The following PALMD variants were observed in gnomAD, a reference collection of about 807,000 sequenced individuals.
PALMD encodes the protein paralemmin-like protein.
PALMD carries 42 observed loss-of-function variants against 56.2 expected under a neutral mutation model. The ratio of observed to expected loss-of-function variants is 0.75; its 90% CI spans 0.58 to 0.97. The LOEUF (loss-of-function observed/expected upper bound fraction) is 0.97, where lower values mean the gene tolerates loss of function less well. Ranked by LOEUF, PALMD falls within the 50% of genes least tolerant of loss-of-function variation. The pLI, the probability that PALMD is intolerant of heterozygous loss-of-function variation, is 0.00. For synonymous variants in PALMD, 242 were observed against 222.9 expected (o/e 1.09, Z -0.76); for missense variants, 660 against 643.8 (o/e 1.03, Z -0.27).
intron 3 of PALMD, among the ~76,000 whole-genome samples, chr1:99,678,310 G>C (rs1200557260): frequency 6.6e-6 from 1 of 151,882 alleles, no homozygotes; most frequent in African/African-American, 2.4e-5. Flanking sequence ...TCACCATGTT[G>C]GCCGGGCTGG....
At chr1:99,681,060 T>C (rs972599758) in intron 3 of PALMD, among the ~76,000 whole-genome samples, 4 of 151,666 alleles carry the variant, frequency 2.6e-5, no homozygotes, top group Non-Finnish European at 5.9e-5. Context: ...ACCCTCTTTT[T>C]CCCCAGCAAA....
intron 7 of PALMD, among the ~76,000 whole-genome samples, chr1:99,692,288 A>G (rs1314149025): frequency 6.6e-6 from 1 of 152,140 alleles, no homozygotes; most frequent in Non-Finnish European, 1.5e-5. Flanking sequence ...TTCATATGCT[A>G]CTGGTGCTGA....
intron 2 of PALMD, among the ~76,000 whole-genome samples, chr1:99,665,350 C>T (rs1358090692): frequency 6.6e-6 from 1 of 152,092 alleles, no homozygotes; most frequent in Non-Finnish European, 1.5e-5. Context: ...TCCACTAAAG[C>T]ACAAGTCTAA....
intron 2 of PALMD, among the ~76,000 whole-genome samples, chr1:99,666,243 G>T (rs1026276350): frequency 2.0e-5 from 3 of 147,130 alleles, no homozygotes; most frequent in South Asian, 2.2e-4. Context: ...TGTTATATTG[G>T]TTTTTTTTTT....
intron 2 of PALMD, among the ~76,000 whole-genome samples, chr1:99,665,442 C>T (rs1273184809): frequency 6.6e-6 from 1 of 152,062 alleles, no homozygotes; most frequent in East Asian, 1.9e-4. Flanking sequence ...GATTGCACAT[C>T]CAAATTGCAT....
At chr1:99,656,318 A>G (rs1652724144) in intron 1 of PALMD, among the ~76,000 whole-genome samples, 1 of 152,050 alleles carries the variant, frequency 6.6e-6, no homozygotes, top group South Asian at 2.1e-4. Flanking sequence ...AATCTGGTAA[A>G]CTTCTAATTA....
chr1:99,679,918 A>T (rs1653300679), intron 3 of PALMD, among the ~76,000 whole-genome samples: 1 of 152,186 alleles, frequency 6.6e-6, no homozygotes, highest in Non-Finnish European at 1.5e-5. Context: ...GTAAGGACGA[A>T]ATAGGCCAGT....
chr1:99,682,496 G>A (rs1244650709), intron 3 of PALMD, among the ~76,000 whole-genome samples: 3 of 152,098 alleles, frequency 2.0e-5, no homozygotes, highest in Non-Finnish European at 4.4e-5. Flanking sequence ...TAACAGATAC[G>A]CTGATGAGGT....
intron 3 of PALMD, among the ~76,000 whole-genome samples, chr1:99,681,075 CTA>C (rs201970053): frequency 0.012 from 1,836 of 148,788 alleles, 24 homozygotes; most frequent in Non-Finnish European, 0.019. Context: ...AGCAAATAGA[CTA>C]TATATATACA....
intron 2 of PALMD, 106 bp from the exon 3 acceptor site, chr1:99,667,536 C>T: frequency 1.1e-6 from 1 of 891,882 alleles, no homozygotes; most frequent in Non-Finnish European, 1.8e-6. Context: ...AAAATAATTC[C>T]TCTTTAACGT....
At position 99,667,641 on chromosome 1, in the gene PALMD, GA is replaced by G; in HGVS notation, c.131del (p.Lys44ArgfsTer3). 6.2e-7 allele frequency: 1 copy of G among 1,612,664 alleles called. No individual in the cohort carries two copies. Among genetic ancestry groups the G allele is most frequent in the Non-Finnish European group, 8.5e-7 (1 of 1,178,904 alleles). ...CATATCTTTATGTTTCCTGACATCA[GA>G]AAAAGGCCTTGAGGGAGAAATGGCT... ...EDKLKHQHLK[K>X]KALREKWLLD... On this transcript the variant is annotated frameshift_variant and splice_region_variant, in exon 3 of 8. Transcript: ENST00000263174. LOFTEE classifies it high-confidence loss of function.
chr1:99,654,091 C>T (rs989411604), intron 1 of PALMD, among the ~76,000 whole-genome samples: 7 of 151,982 alleles, frequency 4.6e-5, no homozygotes, highest in Admixed American at 6.5e-5. Flanking sequence ...AAAAGCATCA[C>T]CCCTGGAATC....
rs1653741244 is a variant in PALMD at position 99,694,377 on chromosome 1, C to A, written c.*315C>A. On this transcript the variant is annotated 3_prime_UTR_variant, in exon 8 of 8. Transcript: ENST00000263174. ...TAAGAATAAAGTTATTTAAAATATT[C>A]TGAGTATAGTATATTAACTGGCATT... The A allele has an allele frequency of 1.4e-5, 3 of 217,818 alleles. No homozygotes were observed. Among genetic ancestry groups the A allele is most frequent in the East Asian group, 1.1e-4 (1 of 8,798 alleles). 13.5% of individuals were successfully genotyped at this position (217,818 alleles called of 1,614,324 possible).
At chr1:99,669,729 G>A (rs1252106942) in intron 3 of PALMD, 1 of 152,212 alleles carries the variant, frequency 6.6e-6, no homozygotes, top group Non-Finnish European at 1.5e-5. Context: ...TTTAGGCCTT[G>A]CCTGAATGCT....
chr1:99,666,165 T>C (rs1652954736), intron 2 of PALMD, among the ~76,000 whole-genome samples: 1 of 152,116 alleles, frequency 6.6e-6, no homozygotes, highest in East Asian at 1.9e-4. Flanking sequence ...ATTAGAGCAG[T>C]CCAGAATTCA....
At chr1:99,675,349 G>A (rs1653176446) in intron 3 of PALMD, among the ~76,000 whole-genome samples, 1 of 152,138 alleles carries the variant, frequency 6.6e-6, no homozygotes, top group Non-Finnish European at 1.5e-5. Context: ...ATAATTACAA[G>A]TAGTTTATTC....
chr1:99,646,417 C>T, intron 1 of PALMD, 55 bp downstream of exon 1: 1 of 1,388,258 alleles, frequency 7.2e-7, no homozygotes. Context: ...GGAAGGCAGA[C>T]CGTGGCCGGC....
Position 99,681,154 on chromosome 1 carries a change from T to G in PALMD, c.252-5522T>G, listed in dbSNP as rs1388284308. Among the ~76,000 whole-genome samples, 609 of 142,528 alleles carry G rather than the reference T, an allele frequency of 4.3e-3. 6 individuals carry two copies. Among genetic ancestry groups the G allele is most frequent in the African/African-American group, 0.018 (586 of 33,144 alleles). 93.5% of individuals were successfully genotyped at this position (142,528 alleles called of 152,430 possible). A position where few individuals can be genotyped will look rare whatever the true frequency, so the allele number is the denominator to read the frequency against. On this transcript the variant is annotated intron_variant, in intron 3 of 7. Transcript: ENST00000263174. ...GTGTGTGTATGTATATATATATATGTATAGAGCCCGGACTTTAATCCTTGT... is the reference window on the plus strand; with the variant it reads ...GTGTGTGTATGTATATATATATATGGATAGAGCCCGGACTTTAATCCTTGT...
Position 99,694,042 on chromosome 1 carries a change from C to T in PALMD, c.1636C>T (p.Leu546=). 6.2e-7 allele frequency: 1 copy of T among 1,601,534 alleles called. No individual in the cohort carries two copies. Residue 546 remains leucine, a synonymous_variant, in exon 8 of 8, where the codon CTG becomes TTG. Transcript: ENST00000263174. The stretch of plus-strand genomic sequence containing the variant: ...AGCTTTAAGGATGAGAATGGCAAAG[C>T]TGGGAAAAAAGGTGATCTAAGAGTT... The part of the protein sequence containing the change: ...LTALRMRMAK[L]GKKVI
Sources: gnomAD v4.1 joint callset for allele counts (sites outside exome capture counted in the v4.1 genomes callset) on GRCh38, gnomAD v4.1.1 for gene constraint, MANE v1.5 for transcripts, NCBI Gene and HGNC (gene_info 2026-07-23, HGNC 2026-07-21) for gene names.